The following RAP1A variants were observed in gnomAD, a reference collection of about 807,000 sequenced individuals.
RAP1A encodes the protein RAP1A, member of RAS oncogene family, also known as ras-related protein Rap-1A.
In RAP1A, 6 loss-of-function variants were observed where a neutral mutation model predicts 26.4. The observed-to-expected ratio is 0.23, with a 90% CI of 0.12 to 0.45. RAP1A has a LOEUF of 0.45. Among genes scored for constraint, RAP1A ranks in the 20% least tolerant of loss-of-function variants. RAP1A has a pLI of 0.99. For synonymous variants in RAP1A, 73 were observed against 79.4 expected, an observed-to-expected ratio of 0.92 and a Z score of 0.43; for missense variants, 121 against 217.2, an observed-to-expected ratio of 0.56 and a Z score of 2.78.
At chr1:111,585,198 G>C (rs1658340732) in intron 1 of RAP1A, among the ~76,000 whole-genome samples, 1 of 152,136 alleles carries the variant, frequency 6.6e-6, no homozygotes, top group Admixed American at 6.5e-5. Context: ...CTAGCTCCAG[G>C]GGAGGACTAA....
chr1:111,650,340 T>C lies in RAP1A; in HGVS notation c.-28+30406T>C, dbSNP rs547346657. On this transcript the variant is annotated intron_variant, in intron 1 of 7. Transcript: ENST00000369709. ...GAAAGACTTCTATATGATTTACTTA[T>C]AATTTCTAAAATATAAAATTCAAAT... 5 of 152,306 alleles carry C rather than the reference T, an allele frequency of 3.3e-5. No homozygotes were observed. In the East Asian group the frequency reaches 5.8e-4, roughly 18 times the overall value. 9.4% of individuals were successfully genotyped at this position (152,306 alleles called of 1,614,324 possible). A position where few individuals can be genotyped will look rare whatever the true frequency, so the allele number is the denominator to read the frequency against.
At position 111,699,479 on chromosome 1, in the gene RAP1A, T is replaced by TG. The variant is rs1553227879; in HGVS notation, c.183+1983dup. On this transcript the variant is annotated intron_variant, in intron 4 of 7. Transcript: ENST00000369709. Reference sequence around the variant, plus strand: ...TCACTTCCTCTTTTTTTTTTTTTTTTGAAACAGGGTCTCTCTCTGTCACCC... The same window carrying TG: ...TCACTTCCTCTTTTTTTTTTTTTTTTGGAAACAGGGTCTCTCTCTGTCACCC... 8.6e-5 allele frequency among the ~76,000 whole-genome samples: 12 copies of TG among 139,116 alleles called. No individual in the cohort carries two copies. The South Asian group carries it at 1.4e-3, about 16-fold the overall frequency. The allele number at this position is 139,116 out of a possible 152,430, so 91.3% of individuals were successfully genotyped here. A position where few individuals can be genotyped will look rare whatever the true frequency, so the allele number is the denominator to read the frequency against.
intron 1 of RAP1A, chr1:111,600,079 C>G (rs1571490786): frequency 1.3e-5 from 2 of 154,102 alleles, no homozygotes; most frequent in Non-Finnish European, 2.9e-5. Flanking sequence ...ATGCCGGCAC[C>G]ATGCTTTGTG....
chr1:111,583,521 C>T (rs1040609827), intron 1 of RAP1A, among the ~76,000 whole-genome samples: 4 of 151,532 alleles, frequency 2.6e-5, no homozygotes, highest in East Asian at 3.9e-4. Context: ...TTTCAGGTCA[C>T]GAGTTCACTA....
At chr1:111,598,623 C>T (rs1309632713) in intron 1 of RAP1A, among the ~76,000 whole-genome samples, 1 of 152,180 alleles carries the variant, frequency 6.6e-6, no homozygotes, top group African/African-American at 2.4e-5. Context: ...CCTCTGCTTT[C>T]ACACCACAAC....
intron 1 of RAP1A, among the ~76,000 whole-genome samples, chr1:111,564,996 G>A (rs769911468): frequency 2.0e-5 from 3 of 152,136 alleles, no homozygotes; most frequent in Non-Finnish European, 4.4e-5. Context: ...GAAATTAACT[G>A]GTGGAATGGG....
chr1:111,676,060 T>C (rs1661114204), intron 1 of RAP1A, among the ~76,000 whole-genome samples: 1 of 152,190 alleles, frequency 6.6e-6, no homozygotes. Context: ...GTGGGGATTA[T>C]TAAATTTAAG....
chr1:111,604,688 C>T (rs903755682), intron 1 of RAP1A: 3 of 152,180 alleles, frequency 2.0e-5, no homozygotes, highest in Non-Finnish European at 2.9e-5. Context: ...TTGGGCCAAT[C>T]TATTGACAGC....
chr1:111,594,961 C>T (rs1012357927), intron 1 of RAP1A, among the ~76,000 whole-genome samples: 3 of 152,194 alleles, frequency 2.0e-5, no homozygotes, highest in African/African-American at 2.4e-5. Context: ...CTCTTATAGG[C>T]ATATAGACTT....
intron 2 of RAP1A, among the ~76,000 whole-genome samples, chr1:111,691,733 C>G (rs1214429872): frequency 6.6e-6 from 1 of 152,176 alleles, no homozygotes; most frequent in Non-Finnish European, 1.5e-5. Context: ...CTGATTATTA[C>G]AGATTCTAGT....
At chr1:111,689,934 C>G (rs1466962595) in intron 1 of RAP1A, among the ~76,000 whole-genome samples, 1 of 152,212 alleles carries the variant, frequency 6.6e-6, no homozygotes, top group Non-Finnish European at 1.5e-5. Context: ...CCTCGACCTC[C>G]CAAAGTGCTG....
intron 1 of RAP1A, among the ~76,000 whole-genome samples, chr1:111,551,849 T>A (rs1203341821): frequency 1.3e-5 from 2 of 152,062 alleles, no homozygotes; most frequent in African/African-American, 2.4e-5. Flanking sequence ...CGGTTTACAG[T>A]TCGGCCTTGG....
chr1:111,638,415 C>G (rs1318806152), intron 1 of RAP1A, among the ~76,000 whole-genome samples: 1 of 145,872 alleles, frequency 6.9e-6, no homozygotes, highest in African/African-American at 2.5e-5. Context: ...TGGTCTTTTT[C>G]TGTGTTTATT....
intron 1 of RAP1A, among the ~76,000 whole-genome samples, chr1:111,610,354 G>A (rs557237931): frequency 6.6e-6 from 1 of 152,186 alleles, no homozygotes; most frequent in South Asian, 2.1e-4. Flanking sequence ...TTTGGAATTT[G>A]CTCCCTCAGC....
rs917862350 is a variant in RAP1A at position 111,675,859 on chromosome 1, C to A, written c.-27-15475C>A. Among the ~76,000 whole-genome samples, 9 of 152,274 alleles carry A rather than the reference C, an allele frequency of 5.9e-5. No individual in the cohort carries two copies. The South Asian group carries it at 1.0e-3, about 18-fold the overall frequency. ...CATGTGGCTGGGGAAGCGTCACAAT[C>A]GTGACAGAAGGCAAGGAAGAGCAAG... On this transcript the variant is annotated intron_variant, in intron 1 of 7. Transcript: ENST00000369709.
intron 1 of RAP1A, among the ~76,000 whole-genome samples, chr1:111,658,180 G>C (rs1244415604): frequency 1.3e-5 from 2 of 152,084 alleles, no homozygotes; most frequent in Non-Finnish European, 2.9e-5. Context: ...ATTAATCTCT[G>C]AGTAGTTTCT....
intron 1 of RAP1A, among the ~76,000 whole-genome samples, chr1:111,677,014 G>A (rs1161589872): frequency 5.9e-5 from 9 of 152,114 alleles, no homozygotes; most frequent in Non-Finnish European, 1.2e-4. Flanking sequence ...GGCCGGTCTC[G>A]AACTCCTGAC....
At chr1:111,553,264 T>C (rs1376997673) in intron 1 of RAP1A, among the ~76,000 whole-genome samples, 1 of 152,272 alleles carries the variant, frequency 6.6e-6, no homozygotes, top group Non-Finnish European at 1.5e-5. Flanking sequence ...CATTCCATTA[T>C]AGAAGATTTG....
chr1:111,579,669 T>C (rs1257311944), intron 1 of RAP1A, among the ~76,000 whole-genome samples: 1 of 152,162 alleles, frequency 6.6e-6, no homozygotes, highest in Non-Finnish European at 1.5e-5. Context: ...ACACCTAACC[T>C]ACCGAACATC....
Sources: gnomAD v4.1 joint callset for allele counts (sites outside exome capture counted in the v4.1 genomes callset) on GRCh38, gnomAD v4.1.1 for gene constraint, MANE v1.5 for transcripts, NCBI Gene and HGNC (gene_info 2026-07-23, HGNC 2026-07-21) for gene names.